Variants in HTT observed in about 807,000 individuals in gnomAD.
HTT encodes the protein huntingtin, also known as huntington disease protein.
HTT carries 104 observed loss-of-function variants against 362.3 expected under a neutral mutation model. The observed-to-expected ratio is 0.29, with a 90% CI of 0.24 to 0.34. The LOEUF (loss-of-function observed/expected upper bound fraction) is 0.34. HTT is among the 10% of genes least tolerant of loss of function. The pLI is 1.00. For missense variants in HTT, 3,301 were observed against 3,928.6 expected (o/e 0.84, Z 4.27); for synonymous variants, 1,577 against 1,548.7 (o/e 1.02, Z -0.43).
chr4:3,074,976 C>T lies in HTT; in HGVS notation c.151C>T (p.Leu51Phe), dbSNP rs1214832191. 3 of 1,433,360 alleles carry T rather than the reference C, an allele frequency of 2.1e-6. No individual in the cohort carries two copies. Among genetic ancestry groups the T allele is most frequent in the African/African-American group, 1.5e-5 (1 of 67,332 alleles). 88.8% of individuals were successfully genotyped at this position (1,433,360 alleles called of 1,614,324 possible). A position where few individuals can be genotyped will look rare whatever the true frequency, so the allele number is the denominator to read the frequency against. The change falls in exon 1 of 67, where the codon CTT becomes TTT. Residue 51 changes from leucine to phenylalanine, a missense_variant. Coordinates refer to ENST00000355072, the MANE Select transcript of HTT (RefSeq NM_001388492.1). Reference sequence around the variant, plus strand: ...GCCGCCGCCGCCGCCGCCTCCTCAGCTTCCTCAGCCGCCGCCGCAGGCACA... The same window carrying T: ...GCCGCCGCCGCCGCCGCCTCCTCAGTTTCCTCAGCCGCCGCCGCAGGCACA... ...PPPPPPPPPQLPQPPPQAQPL... is the reference protein window; with the variant it reads ...PPPPPPPPPQFPQPPPQAQPL...
At chr4:3,112,357 T>G (rs548742515) in intron 6 of HTT, among the ~76,000 whole-genome samples, 4 of 152,294 alleles carry the variant, frequency 2.6e-5, no homozygotes, top group Admixed American at 2.6e-4. Context: ...ACTTAACCCT[T>G]GTAACCGCCA....
At chr4:3,120,463 C>T (rs1715241375) in intron 8 of HTT, among the ~76,000 whole-genome samples, 1 of 152,106 alleles carries the variant, frequency 6.6e-6, no homozygotes, top group Non-Finnish European at 1.5e-5. Flanking sequence ...GTCCATGGGT[C>T]CCCAACCCCC....
chr4:3,135,347 G>A (rs991414672), intron 19 of HTT, among the ~76,000 whole-genome samples: 9 of 151,170 alleles, frequency 6.0e-5, no homozygotes, highest in African/African-American at 1.9e-4. Flanking sequence ...AACATGAGCT[G>A]TGTTGGCACT....
chr4:3,229,567 C>T (rs1231959845), intron 59 of HTT, among the ~76,000 whole-genome samples: 1 of 151,602 alleles, frequency 6.6e-6, no homozygotes, highest in Non-Finnish European at 1.5e-5. Context: ...ACACACATGC[C>T]ACATGTACAC....
At chr4:3,147,014 G>T in intron 25 of HTT, 66 bp downstream of exon 25, 1 of 1,501,974 alleles carries the variant, frequency 6.7e-7, no homozygotes, top group Non-Finnish European at 9.3e-7. Flanking sequence ...GGGGAATGGG[G>T]GTGGTGAGCA....
intron 37 of HTT, among the ~76,000 whole-genome samples, chr4:3,182,748 C>T (rs1158256211): frequency 6.6e-6 from 1 of 152,168 alleles, no homozygotes; most frequent in Non-Finnish European, 1.5e-5. Flanking sequence ...TGAGGGCGGG[C>T]CAAGGCTAAC....
In HTT at chr4:3,133,468, C is replaced by A. The variant is rs143465264; in HGVS notation, c.2493+557C>A. Among the ~76,000 whole-genome samples, 205 of 151,044 alleles carry A rather than the reference C, an allele frequency of 1.4e-3. 1 individual carries two copies. Among genetic ancestry groups the A allele is most frequent in the African/African-American group, 4.8e-3 (197 of 41,020 alleles). On this transcript the variant is annotated intron_variant, in intron 18 of 66. Coordinates refer to ENST00000355072, the MANE Select transcript of HTT (RefSeq NM_001388492.1). ...GCGTGGTTACACCACTGCCCTCTAG[C>A]CTGGGCAACAGAGTGAGACTGTCTC...
intron 49 of HTT, chr4:3,213,073 T>C (rs1720238017): frequency 4.4e-6 from 1 of 229,482 alleles, no homozygotes; most frequent in Non-Finnish European, 8.7e-6. Context: ...GTGCTTGTAA[T>C]TCGCCCCCAG....
chr4:3,149,551 A>G (rs890923915), intron 26 of HTT, among the ~76,000 whole-genome samples: 1 of 151,686 alleles, frequency 6.6e-6, no homozygotes, highest in African/African-American at 2.4e-5. Context: ...GAAGTGATCT[A>G]TCCGCTTCGG....
intron 6 of HTT, among the ~76,000 whole-genome samples, chr4:3,113,632 A>G (rs1714874249): frequency 6.6e-6 from 1 of 152,170 alleles, no homozygotes; most frequent in Admixed American, 6.5e-5. Flanking sequence ...GCTTGGCCAA[A>G]GTAGTTTTTT....
At chr4:3,078,464 A>G (rs1712683035) in intron 1 of HTT, among the ~76,000 whole-genome samples, 1 of 152,240 alleles carries the variant, frequency 6.6e-6, no homozygotes, top group African/African-American at 2.4e-5. Flanking sequence ...ACTTATTTTT[A>G]TTTTTAAAAA....
At chr4:3,169,064 G>A (rs1274314940) in intron 29 of HTT, among the ~76,000 whole-genome samples, 5 of 141,508 alleles carry the variant, frequency 3.5e-5, no homozygotes, top group South Asian at 2.1e-4. Context: ...TGTCGCCTGC[G>A]TTGGAGTGCA....
Position 3,131,619 on chromosome 4 carries a change from T to A in HTT, c.2099-19T>A. On this transcript the variant is annotated intron_variant, in intron 15 of 66. Transcript: ENST00000355072. ...TCTGTTGTTTGAGGCTGAAGGTGGC[T>A]TGGGTGATTTCTTGGCAGTGCTGGT... 2 of 1,610,128 alleles carry A rather than the reference T, an allele frequency of 1.2e-6. No individual in the cohort carries two copies. The highest frequency in any genetic ancestry group is 1.7e-6 in the Non-Finnish European group (2 of 1,177,380).
Position 3,223,686 on chromosome 4 carries a change from C to T in HTT, c.7625+126C>T, listed in dbSNP as rs200684360. On this transcript the variant is annotated intron_variant, in intron 55 of 66. Transcript: ENST00000355072. ...CATTGCTAGAATTGAAAACACCGTC[C>T]GTGTGGCCTGTGCAGGAGATGCAGA... is the stretch of plus-strand genomic sequence containing the variant. 30 of 908,406 alleles carry T rather than the reference C, an allele frequency of 3.3e-5. No individual in the cohort carries two copies. The East Asian group carries it at 3.4e-4, about 10-fold the overall frequency. 56.3% of individuals were successfully genotyped at this position (908,406 alleles called of 1,614,324 possible).
rs368718954 is a variant in HTT at position 3,238,842 on chromosome 4, G to A, written c.9079G>A (p.Gly3027Arg). 1.6e-5 allele frequency: 26 copies of A among 1,599,174 alleles called. No homozygotes were observed. Among genetic ancestry groups the A allele is most frequent in the East Asian group, 2.3e-5 (1 of 43,846 alleles). ...YKVFQTLHSTGQSSMVRDWVM... is the reference protein window; with the variant it reads ...YKVFQTLHSTRQSSMVRDWVM... ...GGTGTTTCAGACTCTGCACAGCACC[G>A]GGCAGTCGTCCATGGTCCGGGACTG... The change falls in exon 66 of 67, where the codon GGG becomes AGG. Residue 3027 changes from glycine to arginine, a missense_variant. By Grantham distance (125) the Gly-to-Arg change is moderately radical. Coordinates refer to ENST00000355072, the MANE Select transcript of HTT (RefSeq NM_001388492.1).
chr4:3,129,872 T>C, intron 12 of HTT, 52 bp from the exon 13 acceptor site: 2 of 1,612,648 alleles, frequency 1.2e-6, no homozygotes, highest in Admixed American at 1.7e-5. Flanking sequence ...GGAGGGCTTG[T>C]CTCTTGGTGA....
rs1054224137 is a variant in HTT at position 3,074,710 on chromosome 4, C to G, written c.-116C>G. Reference sequence around the variant, plus strand: ...CCGGGACGGGTCCAAGATGGACGGCCGCTCAGGTTCTGCTTTTACCTGCGG... The same window carrying G: ...CCGGGACGGGTCCAAGATGGACGGCGGCTCAGGTTCTGCTTTTACCTGCGG... On this transcript the variant is annotated 5_prime_UTR_variant, in exon 1 of 67. Coordinates refer to ENST00000355072, the MANE Select transcript of HTT (RefSeq NM_001388492.1). The G allele has an allele frequency of 4.0e-5, 45 of 1,116,130 alleles. No individual in the cohort carries two copies. The African/African-American group carries it at 6.3e-4, about 16-fold the overall frequency. The allele number at this position is 1,116,130 out of a possible 1,614,324, so 69.1% of individuals were successfully genotyped here. A position where few individuals can be genotyped will look rare whatever the true frequency, so the allele number is the denominator to read the frequency against.
chr4:3,226,495 G>A (rs1408043362), intron 57 of HTT, among the ~76,000 whole-genome samples: 3 of 152,176 alleles, frequency 2.0e-5, no homozygotes, highest in African/African-American at 4.8e-5. Context: ...AAACAGAAAC[G>A]TAGGGCCATT....
intron 40 of HTT, among the ~76,000 whole-genome samples, chr4:3,195,207 G>A (rs1189697395): frequency 6.6e-6 from 1 of 152,046 alleles, no homozygotes; most frequent in Non-Finnish European, 1.5e-5. Flanking sequence ...GCCCAGCCCA[G>A]AGAGGTTTCT....
Sources: gnomAD v4.1 joint callset for allele counts (sites outside exome capture counted in the v4.1 genomes callset) on GRCh38, gnomAD v4.1.1 for gene constraint, MANE v1.5 for transcripts, NCBI Gene and HGNC (gene_info 2026-07-23, HGNC 2026-07-21) for gene names.